The following CTNNBIP1 variants were observed in gnomAD, a reference collection of about 807,000 sequenced individuals.
CTNNBIP1 encodes beta-catenin-interacting protein 1.
In CTNNBIP1, 7 loss-of-function variants were observed where a neutral mutation model predicts 11.8. The ratio of observed to expected loss-of-function variants is 0.60; its 90% CI spans 0.34 to 1.12. The LOEUF is 1.12. Ranked by LOEUF, CTNNBIP1 falls within the 50% of genes most tolerant of loss-of-function variation. The probability of loss-of-function intolerance (pLI) is 0.03; values close to 1 mark genes in which losing one functional copy is unlikely to be tolerated. For missense variants in CTNNBIP1, 101 were observed against 113.4 expected (o/e 0.89, Z 0.50); for synonymous variants, 58 against 43.9 (o/e 1.32, Z -1.26).
At chr1:9,893,487 G>A (rs1639348187) in intron 1 of CTNNBIP1, among the ~76,000 whole-genome samples, 1 of 152,056 alleles carries the variant, frequency 6.6e-6, no homozygotes, top group Non-Finnish European at 1.5e-5. Context: ...GTTTTTCCAG[G>A]CCAACGACTC....
In CTNNBIP1 at chr1:9,882,468, G is replaced by C. The variant is rs377254016; in HGVS notation, c.-110+1237C>G. On this transcript the variant is annotated intron_variant, in intron 2 of 5. Transcript: ENST00000377263. ...GGAGCCTGGAGGAGAAGGAGGAGTT[G>C]GTAGGGGTGGCATACACGTAGGAAG... 1.5e-3 allele frequency among the ~76,000 whole-genome samples: 234 copies of C among 152,272 alleles called. 3 individuals are homozygous for C. Among genetic ancestry groups the C allele is most frequent in the African/African-American group, 5.3e-3 (221 of 41,550 alleles).
intron 1 of CTNNBIP1, among the ~76,000 whole-genome samples, chr1:9,899,766 A>G (rs975800441): frequency 2.0e-5 from 3 of 147,916 alleles, no homozygotes; most frequent in African/African-American, 7.9e-5. Flanking sequence ...TCAAAAAAAA[A>G]GAAAGAAAGA....
chr1:9,897,014 C>T (rs985912404), intron 1 of CTNNBIP1, among the ~76,000 whole-genome samples: 45 of 147,898 alleles, frequency 3.0e-4, no homozygotes, highest in African/African-American at 6.7e-4. Context: ...TGGTGGCGCG[C>T]GCCTGTAATC....
At chr1:9,875,215 C>T (rs1467562464) in intron 3 of CTNNBIP1, among the ~76,000 whole-genome samples, 2 of 152,176 alleles carry the variant, frequency 1.3e-5, no homozygotes, top group African/African-American at 4.8e-5. Flanking sequence ...ACAAACCACA[C>T]TCCAGCCCCG....
chr1:9,880,628 C>T (rs1334742316), intron 2 of CTNNBIP1, among the ~76,000 whole-genome samples: 1 of 152,198 alleles, frequency 6.6e-6, no homozygotes, highest in African/African-American at 2.4e-5. Flanking sequence ...TCTCCACAGC[C>T]TCGCCAGCAT....
At chr1:9,856,349 A>T (rs190562804) in intron 5 of CTNNBIP1, among the ~76,000 whole-genome samples, 1 of 152,160 alleles carries the variant, frequency 6.6e-6, no homozygotes, top group Admixed American at 6.5e-5. Context: ...AAGCACAAGC[A>T]ACAGAAAAAA....
intron 5 of CTNNBIP1, among the ~76,000 whole-genome samples, chr1:9,858,331 G>C (rs1412423762): frequency 2.0e-5 from 3 of 152,090 alleles, no homozygotes; most frequent in Admixed American, 6.6e-5. Context: ...CTGCAAGACT[G>C]CTCATCATAC....
chr1:9,901,384 G>A (rs1346803438), intron 1 of CTNNBIP1, among the ~76,000 whole-genome samples: 2 of 152,172 alleles, frequency 1.3e-5, no homozygotes, highest in Non-Finnish European at 2.9e-5. Flanking sequence ...TGATCAGGAA[G>A]AACAGGGGTG....
chr1:9,875,998 G>T (rs117799094), intron 3 of CTNNBIP1, among the ~76,000 whole-genome samples: 2 of 152,132 alleles, frequency 1.3e-5, no homozygotes, highest in African/African-American at 2.4e-5. Context: ...ACAAGCAAAC[G>T]TGCTATTATA....
intron 5 of CTNNBIP1, among the ~76,000 whole-genome samples, chr1:9,857,349 G>T (rs1017468385): frequency 6.6e-6 from 1 of 151,622 alleles, no homozygotes. Flanking sequence ...GTGTGGTGGC[G>T]GGCGCCTGTA....
At chr1:9,894,633 TCCTCCCACCTCAG>T in intron 1 of CTNNBIP1, among the ~76,000 whole-genome samples, 2 of 152,088 alleles carry the variant, frequency 1.3e-5, no homozygotes, top group South Asian at 4.2e-4. Context: ...GCTTAAGCGA[TCCTCCCACCTCAG>T]CCTCCCAAAT....
chr1:9,867,181 G>T lies in CTNNBIP1; in HGVS notation c.187+4006C>A, dbSNP rs571626143. Reference sequence around the variant, plus strand: ...AGGGAGTGGGAAACAGCCAGTGAGGGGTGACGTGAAGGACAAGGGAGGGAA... The same window carrying T: ...AGGGAGTGGGAAACAGCCAGTGAGGTGTGACGTGAAGGACAAGGGAGGGAA... On this transcript the variant is annotated intron_variant, in intron 5 of 5. Transcript: ENST00000377263. This position sits in a 1 kb window ranked among gnomAD's most constrained non-coding sequence, Gnocchi z 4.6. Among the ~76,000 whole-genome samples the T allele has an allele frequency of 6.6e-5, 10 of 152,300 alleles. No individual in the cohort carries two copies. Among genetic ancestry groups the T allele is most frequent in the Admixed American group, 2.0e-4 (3 of 15,302 alleles).
intron 1 of CTNNBIP1, among the ~76,000 whole-genome samples, chr1:9,904,260 G>A (rs557737296): frequency 2.6e-5 from 4 of 152,218 alleles, no homozygotes; most frequent in South Asian, 2.1e-4. Context: ...CAACACAAGC[G>A]TCCTATTTGA....
chr1:9,880,978 C>G (rs4636465), intron 2 of CTNNBIP1, among the ~76,000 whole-genome samples: 1 of 152,066 alleles, frequency 6.6e-6, no homozygotes, highest in African/African-American at 2.4e-5. Context: ...TCACACATGG[C>G]CTGCATTCAG....
chr1:9,902,347 A>G (rs771209059), intron 1 of CTNNBIP1, among the ~76,000 whole-genome samples: 4 of 152,212 alleles, frequency 2.6e-5, no homozygotes, highest in African/African-American at 9.7e-5. Context: ...AGCCCCAAGC[A>G]AAAACTTTGA....
At chr1:9,892,968 A>T (rs956047431) in intron 1 of CTNNBIP1, 1 of 152,080 alleles carries the variant, frequency 6.6e-6, no homozygotes, top group South Asian at 2.1e-4. Flanking sequence ...TTAAACAAAG[A>T]CCCCTTCAGA....
At chr1:9,882,343 G>C (rs1308267542) in intron 2 of CTNNBIP1, among the ~76,000 whole-genome samples, 1 of 152,208 alleles carries the variant, frequency 6.6e-6, no homozygotes, top group African/African-American at 2.4e-5. Context: ...AATGAGCAGG[G>C]GGAGACAGAC....
At chr1:9,885,062 G>A (rs919843599) in intron 1 of CTNNBIP1, among the ~76,000 whole-genome samples, 1 of 152,166 alleles carries the variant, frequency 6.6e-6, no homozygotes, top group African/African-American at 2.4e-5. Context: ...ACAGGCCCAG[G>A]GCCAGAGTAG....
chr1:9,848,824 C>G lies in CTNNBIP1; in HGVS notation c.*1894G>C, dbSNP rs1225192340. On this transcript the variant is annotated 3_prime_UTR_variant, in exon 6 of 6. Coordinates refer to ENST00000377263, the MANE Select transcript of CTNNBIP1 (RefSeq NM_020248.3). This position sits in a 1 kb window ranked among gnomAD's most constrained non-coding sequence, Gnocchi z 4.3. ...CATGGTGGAGGACACAGGGTCTTAG[C>G]CTGATGCTCGAATCCTCCTTCTGGA... 6.6e-6 allele frequency: 1 copy of G among 152,286 alleles called. No individual in the cohort carries two copies. Among genetic ancestry groups the G allele is most frequent in the Non-Finnish European group, 1.5e-5 (1 of 68,096 alleles). 9.4% of individuals were successfully genotyped at this position (152,286 alleles called of 1,614,324 possible). A position where few individuals can be genotyped will look rare whatever the true frequency, so the allele number is the denominator to read the frequency against.
Sources: allele counts gnomAD v4.1 joint callset (sites outside exome capture counted in the v4.1 genomes callset), GRCh38; gene constraint gnomAD v4.1.1; non-coding constraint Gnocchi (gnomAD v3.1); transcripts MANE v1.5; gene names NCBI Gene and HGNC (gene_info 2026-07-23, HGNC 2026-07-21).